The following NKAIN2 variants were observed in gnomAD, a reference collection of about 807,000 sequenced individuals.
NKAIN2 encodes sodium/potassium transporting ATPase interacting 2.
In NKAIN2, 14 loss-of-function variants were observed where a neutral mutation model predicts 32.6. The ratio of observed to expected loss-of-function variants is 0.43; its 90% CI spans 0.28 to 0.67. The LOEUF is 0.67. Ranked by LOEUF, NKAIN2 falls within the 30% of genes least tolerant of loss-of-function variation. The pLI is 0.17. For synonymous variants in NKAIN2, 80 were observed against 87.2 expected (o/e 0.92, Z 0.46); for missense variants, 198 against 258.3 (o/e 0.77, Z 1.60).
intron 1 of NKAIN2, among the ~76,000 whole-genome samples, chr6:124,213,521 G>C (rs1385395027): frequency 6.6e-6 from 1 of 152,020 alleles, no homozygotes; most frequent in Non-Finnish European, 1.5e-5. Flanking sequence ...AGAGGAGTGA[G>C]ATAAACATAG....
intron 2 of NKAIN2, among the ~76,000 whole-genome samples, chr6:124,299,238 A>G (rs1796196853): frequency 6.6e-6 from 1 of 152,216 alleles, no homozygotes; most frequent in South Asian, 2.1e-4. Flanking sequence ...CTTAGAAGAC[A>G]CATATGAGGA....
intron 5 of NKAIN2, among the ~76,000 whole-genome samples, chr6:124,802,682 A>G (rs544004645): frequency 4.6e-5 from 7 of 152,162 alleles, no homozygotes; most frequent in Non-Finnish European, 1.0e-4. Context: ...CACCTTCATT[A>G]TGGTGGAAAG....
In NKAIN2 at chr6:124,084,853, G is replaced by GA. The variant is rs372686183; in HGVS notation, c.55-198142dup. On this transcript the variant is annotated intron_variant, in intron 1 of 6. Transcript: ENST00000368417. ...ATCTTTTCCCGTCCTCATAGAAAAA[G>GA]AAAAAAAAAATCTCTATGCTTAAAA... Among the ~76,000 whole-genome samples the GA allele has an allele frequency of 4.8e-3, 709 of 147,938 alleles. 5 individuals carry two copies. Among genetic ancestry groups the GA allele is most frequent in the African/African-American group, 0.016 (657 of 40,560 alleles).
At chr6:124,704,544 T>G (rs1774954296) in intron 4 of NKAIN2, among the ~76,000 whole-genome samples, 1 of 151,522 alleles carries the variant, frequency 6.6e-6, no homozygotes, top group Admixed American at 6.6e-5. Context: ...ATGTCACAAA[T>G]ACATACCTAT....
chr6:124,456,395 A>G (rs1208240793), intron 3 of NKAIN2, among the ~76,000 whole-genome samples: 2 of 151,984 alleles, frequency 1.3e-5, no homozygotes, highest in East Asian at 3.9e-4. Context: ...TCATTCTTAT[A>G]TATCTGCAGA....
chr6:124,238,435 C>T (rs1201179928), intron 1 of NKAIN2, among the ~76,000 whole-genome samples: 1 of 152,066 alleles, frequency 6.6e-6, no homozygotes, highest in Non-Finnish European at 1.5e-5. Flanking sequence ...GTAATATACA[C>T]TATTTTTGAA....
chr6:124,097,401 TAAAAAAAA>T (rs35090835), intron 1 of NKAIN2, among the ~76,000 whole-genome samples: 1 of 132,458 alleles, frequency 7.5e-6, no homozygotes, highest in African/African-American at 2.8e-5. Context: ...GACTTCGTCT[TAAAAAAAA>T]AAAAAAAAAA....
chr6:124,558,472 C>G (rs1372158232), intron 3 of NKAIN2, among the ~76,000 whole-genome samples: 1 of 152,234 alleles, frequency 6.6e-6, no homozygotes, highest in East Asian at 1.9e-4. Context: ...GTCTCTCTTT[C>G]TATAAAACCA....
chr6:124,235,781 T>G (rs866045113), intron 1 of NKAIN2, among the ~76,000 whole-genome samples: 24 of 152,038 alleles, frequency 1.6e-4, no homozygotes, highest in South Asian at 1.2e-3. Context: ...GTATTTTTAG[T>G]AGAGACAGGG....
At chr6:124,364,250 A>AG (rs1554288848) in intron 3 of NKAIN2, among the ~76,000 whole-genome samples, 84 of 139,748 alleles carry the variant, frequency 6.0e-4, no homozygotes, top group African/African-American at 2.1e-3. Context: ...AAAAAAAAAA[A>AG]AGAGAGAAAA....
chr6:124,790,546 A>G (rs944793066), intron 4 of NKAIN2, among the ~76,000 whole-genome samples: 8 of 152,114 alleles, frequency 5.3e-5, no homozygotes, highest in African/African-American at 1.9e-4. Flanking sequence ...AAAAAAGAAA[A>G]CAAATAGTTT....
chr6:124,693,126 C>G (rs1236094731), intron 4 of NKAIN2, among the ~76,000 whole-genome samples: 1 of 152,140 alleles, frequency 6.6e-6, no homozygotes, highest in Non-Finnish European at 1.5e-5. Context: ...AATTCTCCTG[C>G]CTTGGGGAGT....
intron 3 of NKAIN2, among the ~76,000 whole-genome samples, chr6:124,527,161 A>C (rs1001374502): frequency 6.6e-6 from 1 of 152,270 alleles, no homozygotes; most frequent in African/African-American, 2.4e-5. Flanking sequence ...TGTGTTTACA[A>C]AATCACTGGA....
At chr6:124,534,282 C>T (rs1345462257) in intron 3 of NKAIN2, among the ~76,000 whole-genome samples, 1 of 152,036 alleles carries the variant, frequency 6.6e-6, no homozygotes, top group Non-Finnish European at 1.5e-5. Context: ...TCTTGAGTAG[C>T]TGAGATTACA....
intron 1 of NKAIN2, among the ~76,000 whole-genome samples, chr6:124,241,087 A>G (rs939277206): frequency 3.9e-5 from 6 of 152,184 alleles, no homozygotes; most frequent in African/African-American, 1.4e-4. Flanking sequence ...AAGCATTCCT[A>G]TACACCAATA....
At chr6:124,461,673 G>A (rs139766831) in intron 3 of NKAIN2, among the ~76,000 whole-genome samples, 310 of 151,806 alleles carry the variant, frequency 2.0e-3, no homozygotes, top group African/African-American at 7.1e-3. Context: ...CATTGAGAAT[G>A]CCTTTAAATT....
intron 1 of NKAIN2, among the ~76,000 whole-genome samples, chr6:123,835,220 A>G: frequency 6.6e-6 from 1 of 152,192 alleles, no homozygotes; most frequent in East Asian, 1.9e-4. Flanking sequence ...TTACTATTGA[A>G]TTATATCACA....
chr6:123,827,107 C>T (rs1286427402), intron 1 of NKAIN2, among the ~76,000 whole-genome samples: 1 of 152,064 alleles, frequency 6.6e-6, no homozygotes, highest in African/African-American at 2.4e-5. Flanking sequence ...TGTTGAATAT[C>T]TTTTCATGTG....
intron 1 of NKAIN2, among the ~76,000 whole-genome samples, chr6:124,249,989 T>C (rs749604858): frequency 3.3e-5 from 5 of 152,126 alleles, no homozygotes; most frequent in Non-Finnish European, 5.9e-5. Context: ...TTTTGAGAAT[T>C]CATGTGTTGA....
Sources: allele counts gnomAD v4.1 joint callset (sites outside exome capture counted in the v4.1 genomes callset), GRCh38; gene constraint gnomAD v4.1.1; transcripts MANE v1.5; gene names NCBI Gene and HGNC (gene_info 2026-07-23, HGNC 2026-07-21).